Variants in SETBP1 observed in about 807,000 individuals in gnomAD.
SETBP1 encodes the protein SET binding protein 1, also known as SET-binding protein.
Under a neutral mutation model 101.0 loss-of-function variants are expected in SETBP1, and 9 were observed. That is an observed-to-expected ratio of 0.09 (90% CI 0.05 to 0.16). The LOEUF (loss-of-function observed/expected upper bound fraction) is 0.16. Ranked by LOEUF, SETBP1 falls within the 10% of genes least tolerant of loss-of-function variation. SETBP1 has a pLI of 1.00. For missense variants in SETBP1, 1,858 were observed against 2,033.8 expected (o/e 0.91, Z 1.66); for synonymous variants, 818 against 788.5 (o/e 1.04, Z -0.63).
At chr18:45,050,400 T>C (rs953117536) in intron 5 of SETBP1, among the ~76,000 whole-genome samples, 20 of 152,246 alleles carry the variant, frequency 1.3e-4, no homozygotes, top group Non-Finnish European at 2.2e-4. Context: ...TCTGTTGTTT[T>C]AATGTCCATT....
At chr18:45,053,020 C>A (rs967399899) in intron 5 of SETBP1, among the ~76,000 whole-genome samples, 7 of 152,106 alleles carry the variant, frequency 4.6e-5, no homozygotes, top group Non-Finnish European at 5.9e-5. Flanking sequence ...AAGCTTAACA[C>A]CCAATTCCAC....
intron 2 of SETBP1, among the ~76,000 whole-genome samples, chr18:44,849,669 TGAGAGA>T (rs3085859): frequency 1.7e-4 from 25 of 148,422 alleles, no homozygotes; most frequent in East Asian, 4.0e-4. Flanking sequence ...AGCACTGGGA[TGAGAGA>T]GAGAGAGAGA....
intron 4 of SETBP1, among the ~76,000 whole-genome samples, chr18:44,972,142 C>A (rs4271676): frequency 6.6e-6 from 1 of 152,164 alleles, no homozygotes; most frequent in Admixed American, 6.5e-5. Context: ...AATCCTTTCC[C>A]CATTTCTTAT....
intron 2 of SETBP1, among the ~76,000 whole-genome samples, chr18:44,861,596 T>G (rs1200279963): frequency 1.3e-5 from 2 of 152,096 alleles, no homozygotes; most frequent in African/African-American, 4.8e-5. Context: ...CAGAGGCTCA[T>G]AAGATATTAT....
chr18:44,912,363 C>G (rs557727569), intron 3 of SETBP1, among the ~76,000 whole-genome samples: 17 of 152,288 alleles, frequency 1.1e-4, no homozygotes, highest in South Asian at 1.0e-3. Context: ...TAAGTTGAGT[C>G]TGTAGAGGAC....
chr18:44,802,097 C>T (rs2071619379), intron 2 of SETBP1, among the ~76,000 whole-genome samples: 1 of 152,214 alleles, frequency 6.6e-6, no homozygotes, highest in South Asian at 2.1e-4. Flanking sequence ...AATTGGCATA[C>T]ACCGTCCTCC....
intron 2 of SETBP1, among the ~76,000 whole-genome samples, chr18:44,816,137 C>T (rs770733276): frequency 1.3e-5 from 2 of 152,096 alleles, no homozygotes; most frequent in Non-Finnish European, 2.9e-5. Flanking sequence ...TCCAAGGGAT[C>T]GTCCCATAAA....
intron 3 of SETBP1, among the ~76,000 whole-genome samples, chr18:44,900,617 C>T (rs1016321147): frequency 1.3e-5 from 2 of 152,202 alleles, no homozygotes; most frequent in African/African-American, 2.4e-5. Context: ...TGCCACAGAA[C>T]ATTAGTTTGC....
chr18:44,869,270 G>A lies in SETBP1; in HGVS notation c.527G>A (p.Gly176Glu). ...GACCTTGCAGCCAGTGACCTCAAAGGATTTCAGCCACAGGTAAGTTCCACT... is the reference window on the plus strand; with the variant it reads ...GACCTTGCAGCCAGTGACCTCAAAGAATTTCAGCCACAGGTAAGTTCCACT... The part of the protein sequence containing the change: ...ASDLAASDLK[G>E]FQPQAYERPQ... Residue 176 changes from glycine to glutamate, a missense_variant, in exon 3 of 6, where the codon GGA becomes GAA. Gly to Glu is a moderately conservative substitution (Grantham distance 98). Coordinates refer to ENST00000649279, the MANE Select transcript of SETBP1 (RefSeq NM_015559.3). The A allele has an allele frequency of 1.2e-6, 2 of 1,614,044 alleles. No individual in the cohort carries two copies. The highest frequency in any genetic ancestry group is 8.5e-7 in the Non-Finnish European group (1 of 1,179,934).
chr18:44,902,859 G>C (rs764844702), intron 3 of SETBP1, among the ~76,000 whole-genome samples: 2 of 151,728 alleles, frequency 1.3e-5, no homozygotes, highest in Non-Finnish European at 2.9e-5. Context: ...GTAATAAAAA[G>C]TTATTTCATA....
chr18:44,948,424 A>G (rs1446397018), intron 3 of SETBP1, among the ~76,000 whole-genome samples: 1 of 152,172 alleles, frequency 6.6e-6, no homozygotes, highest in African/African-American at 2.4e-5. Flanking sequence ...GGGCTGTAAG[A>G]CATGTTTTCC....
At chr18:45,014,866 C>A (rs899969571) in intron 4 of SETBP1, among the ~76,000 whole-genome samples, 9 of 152,118 alleles carry the variant, frequency 5.9e-5, no homozygotes, top group Non-Finnish European at 1.3e-4. Flanking sequence ...TTAAATAATA[C>A]ATGAAAAGGT....
intron 1 of SETBP1, among the ~76,000 whole-genome samples, chr18:44,699,804 T>G (rs1434092968): frequency 6.6e-6 from 1 of 152,236 alleles, no homozygotes; most frequent in Non-Finnish European, 1.5e-5. Context: ...CCTTCCTGGC[T>G]GGCTTCCTCA....
At chr18:44,795,849 C>T (rs2071464437) in intron 2 of SETBP1, among the ~76,000 whole-genome samples, 1 of 152,164 alleles carries the variant, frequency 6.6e-6, no homozygotes, top group Non-Finnish European at 1.5e-5. Context: ...TATTGTCAGT[C>T]TTTAAAAATG....
chr18:44,852,363 CCCCACGT>C (rs2072887007), intron 2 of SETBP1, among the ~76,000 whole-genome samples: 6 of 152,162 alleles, frequency 3.9e-5, no homozygotes, highest in Non-Finnish European at 8.8e-5. Context: ...GCAGTTGTGC[CCCCACGT>C]TCTGCACCAT....
chr18:44,766,426 T>G (rs921926541), intron 2 of SETBP1, among the ~76,000 whole-genome samples: 4 of 152,198 alleles, frequency 2.6e-5, no homozygotes, highest in African/African-American at 9.6e-5. Context: ...GGACATTATA[T>G]GAAGTGAAAT....
intron 2 of SETBP1, among the ~76,000 whole-genome samples, chr18:44,765,417 A>T (rs990612865): frequency 6.6e-6 from 1 of 152,282 alleles, no homozygotes; most frequent in Non-Finnish European, 1.5e-5. Context: ...GTGGGTGGAT[A>T]TGAAGGCATT....
chr18:44,707,360 T>C (rs1006285876), intron 2 of SETBP1, among the ~76,000 whole-genome samples: 11 of 152,194 alleles, frequency 7.2e-5, no homozygotes, highest in Admixed American at 5.9e-4. Flanking sequence ...TAAAGCCCTA[T>C]TTTTTTATTC....
chr18:44,844,468 G>A (rs1214190834), intron 2 of SETBP1, among the ~76,000 whole-genome samples: 1 of 152,198 alleles, frequency 6.6e-6, no homozygotes, highest in Non-Finnish European at 1.5e-5. Flanking sequence ...TGGAGACCAT[G>A]CATGGAGGTG....
Sources: gnomAD v4.1 joint callset for allele counts (sites outside exome capture counted in the v4.1 genomes callset) on GRCh38, gnomAD v4.1.1 for gene constraint, MANE v1.5 for transcripts, NCBI Gene and HGNC (gene_info 2026-07-23, HGNC 2026-07-21) for gene names.